Variants in RFX8 observed in about 807,000 individuals in gnomAD.
The protein encoded by RFX8 is regulatory factor X8, also known as DNA-binding protein RFX8.
Under a neutral mutation model 54.6 loss-of-function variants are expected in RFX8, and 46 were observed. That is an observed-to-expected ratio of 0.84 (90% CI 0.67 to 1.08). RFX8 has a LOEUF of 1.08. RFX8 is among the 50% of genes least tolerant of loss of function. The pLI, the probability that RFX8 is intolerant of heterozygous loss-of-function variation, is 0.00. For missense variants in RFX8, 536 were observed against 562.3 expected (o/e 0.95, Z 0.47); for synonymous variants, 192 against 209.5 (o/e 0.92, Z 0.72).
intron 2 of RFX8, among the ~76,000 whole-genome samples, chr2:101,424,781 C>T (rs988003440): frequency 1.3e-5 from 2 of 152,156 alleles, no homozygotes; most frequent in Non-Finnish European, 2.9e-5. Context: ...AAACCAAACA[C>T]TGCATGTTCT....
intron 2 of RFX8, among the ~76,000 whole-genome samples, chr2:101,442,659 A>G (rs990637994): frequency 6.6e-6 from 1 of 150,706 alleles, no homozygotes; most frequent in Non-Finnish European, 1.5e-5. Context: ...CCAGGGTTTT[A>G]TTTTTCCTTT....
chr2:101,419,428 G>A (rs1390006005), intron 4 of RFX8, among the ~76,000 whole-genome samples: 2 of 152,202 alleles, frequency 1.3e-5, no homozygotes, highest in East Asian at 3.9e-4. Context: ...GACTGTGGAA[G>A]GAAAAGGAGA....
intron 2 of RFX8, among the ~76,000 whole-genome samples, chr2:101,434,275 T>C (rs1423422314): frequency 6.6e-6 from 1 of 152,250 alleles, no homozygotes; most frequent in Non-Finnish European, 1.5e-5. Flanking sequence ...TATCAATTTT[T>C]TGAAACTGAA....
At chr2:101,445,443 A>G (rs2148964188) in intron 2 of RFX8, among the ~76,000 whole-genome samples, 1 of 151,790 alleles carries the variant, frequency 6.6e-6, no homozygotes, top group African/African-American at 2.4e-5. Flanking sequence ...CCCAGGCTGG[A>G]GTGCAGTGGC....
intron 2 of RFX8, among the ~76,000 whole-genome samples, chr2:101,451,921 TCG>T: frequency 6.6e-6 from 1 of 151,870 alleles, no homozygotes; most frequent in Admixed American, 6.6e-5. Flanking sequence ...TAGGAAAACC[TCG>T]TCTCTAAAAA....
intron 1 of RFX8, among the ~76,000 whole-genome samples, chr2:101,467,604 C>T (rs1160167306): frequency 6.6e-6 from 1 of 152,202 alleles, no homozygotes; most frequent in Admixed American, 6.5e-5. Context: ...TGTGAACGCA[C>T]CTGCAGTGCC....
At chr2:101,441,221 C>T (rs1287078141) in intron 2 of RFX8, among the ~76,000 whole-genome samples, 3 of 152,194 alleles carry the variant, frequency 2.0e-5, no homozygotes, top group Non-Finnish European at 2.9e-5. Context: ...CCGCCTGCCT[C>T]GGCCTCCCAA....
At chr2:101,413,183 G>T in intron 7 of RFX8, 112 bp from the exon 8 acceptor site, 1 of 795,636 alleles carries the variant, frequency 1.3e-6, no homozygotes. Context: ...AAACATTGAT[G>T]TGGATATTAC....
At chr2:101,465,318 A>T (rs533301963) in intron 2 of RFX8, among the ~76,000 whole-genome samples, 2 of 152,188 alleles carry the variant, frequency 1.3e-5, no homozygotes, top group East Asian at 3.9e-4. Flanking sequence ...CATCCTGGCC[A>T]ACATAGTGAA....
chr2:101,424,038 A>C (rs1355686336), intron 2 of RFX8, among the ~76,000 whole-genome samples: 2 of 152,200 alleles, frequency 1.3e-5, no homozygotes, highest in African/African-American at 4.8e-5. Flanking sequence ...CAATATTATG[A>C]AGATGCCACG....
chr2:101,417,466 A>G, intron 6 of RFX8, 68 bp downstream of exon 6: 3 of 1,439,708 alleles, frequency 2.1e-6, no homozygotes, highest in Non-Finnish European at 2.8e-6. Context: ...TCGGCCTTCC[A>G]AAGTGCTGGG....
Position 101,474,247 on chromosome 2 carries a change from G to A in RFX8, c.-53+389C>T, listed in dbSNP as rs1426283577. On this transcript the variant is annotated intron_variant, in intron 1 of 11. Transcript: ENST00000428343. ...CGGGCCCCGGCTACCCTCGCCGCTC[G>A]ACGGCGAGGCCGGCACCCCCTCGGC... 3 of 614,876 alleles carry A rather than the reference G, an allele frequency of 4.9e-6. No individual in the cohort carries two copies. The East Asian group carries it at 1.0e-4, about 21-fold the overall frequency. 38.1% of individuals were successfully genotyped at this position (614,876 alleles called of 1,614,324 possible). A position where few individuals can be genotyped will look rare whatever the true frequency, so the allele number is the denominator to read the frequency against.
intron 2 of RFX8, among the ~76,000 whole-genome samples, chr2:101,459,866 C>T (rs1184632860): frequency 1.3e-5 from 2 of 152,220 alleles, no homozygotes; most frequent in African/African-American, 4.8e-5. Flanking sequence ...GGCAGTAGGG[C>T]TTGTTGCACT....
intron 2 of RFX8, among the ~76,000 whole-genome samples, chr2:101,449,559 T>G (rs1337312701): frequency 6.6e-6 from 1 of 152,066 alleles, no homozygotes; most frequent in East Asian, 1.9e-4. Context: ...GTATCAAGAT[T>G]GAACTAAGAA....
intron 11 of RFX8, among the ~76,000 whole-genome samples, chr2:101,399,862 C>T (rs906628728): frequency 1.3e-5 from 2 of 151,964 alleles, no homozygotes; most frequent in African/African-American, 4.8e-5. Flanking sequence ...GTAATTAGTC[C>T]CAAGAGACCA....
Position 101,440,162 on chromosome 2 carries a change from A to G in RFX8, c.73-17690T>C, listed in dbSNP as rs183011322. 2.6e-3 allele frequency among the ~76,000 whole-genome samples: 396 copies of G among 152,316 alleles called. 3 individuals are homozygous for G. Among genetic ancestry groups the G allele is most frequent in the Non-Finnish European group, 4.6e-3 (313 of 68,032 alleles). ...TATACCATACAATTCACCCGTTTAA[A>G]GAGTCCAAGTCAATGTTTTTTTTAA... On this transcript the variant is annotated intron_variant, in intron 2 of 11. Coordinates refer to ENST00000428343, the MANE Select transcript of RFX8 (RefSeq NM_001145664.2).
At chr2:101,414,560 C>G (rs1449915318) in intron 7 of RFX8, among the ~76,000 whole-genome samples, 1 of 152,106 alleles carries the variant, frequency 6.6e-6, no homozygotes, top group Non-Finnish European at 1.5e-5. Context: ...AGGTACGAGC[C>G]CCCCACGCCT....
intron 2 of RFX8, among the ~76,000 whole-genome samples, chr2:101,457,110 G>C (rs1015922788): frequency 6.6e-6 from 1 of 151,908 alleles, no homozygotes; most frequent in Non-Finnish European, 1.5e-5. Context: ...TTCTTTATTA[G>C]TCTTGCTAGC....
chr2:101,443,497 G>A (rs755796452), intron 2 of RFX8, among the ~76,000 whole-genome samples: 36 of 152,280 alleles, frequency 2.4e-4, no homozygotes, highest in Non-Finnish European at 4.6e-4. Context: ...TACAAATCAT[G>A]TACAGGGAAC....
Sources: gnomAD v4.1 joint callset for allele counts (sites outside exome capture counted in the v4.1 genomes callset) on GRCh38, gnomAD v4.1.1 for gene constraint, MANE v1.5 for transcripts, NCBI Gene and HGNC (gene_info 2026-07-23, HGNC 2026-07-21) for gene names.